RUNDC3B: variants seen among roughly 807,000 people sequenced by gnomAD.
RUNDC3B encodes RUN domain containing 3B, also known as RUN domain-containing protein 3B.
RUNDC3B carries 33 observed loss-of-function variants against 58.4 expected under a neutral mutation model. That is an observed-to-expected ratio of 0.56 (90% CI 0.43 to 0.75). The LOEUF is 0.75. RUNDC3B is among the 30% of genes least tolerant of loss of function. The probability of loss-of-function intolerance (pLI) is 0.00; values close to 1 mark genes in which losing one functional copy is unlikely to be tolerated. For synonymous variants in RUNDC3B, 193 were observed against 195.2 expected (o/e 0.99, Z 0.10); for missense variants, 501 against 535.7 (o/e 0.94, Z 0.64).
chr7:87,708,229 G>A (rs975219000), intron 3 of RUNDC3B, among the ~76,000 whole-genome samples: 2 of 152,060 alleles, frequency 1.3e-5, no homozygotes, highest in African/African-American at 4.8e-5. Flanking sequence ...GATTAATGCA[G>A]TTGATAAGCT....
At chr7:87,664,114 T>C (rs939318079) in intron 2 of RUNDC3B, among the ~76,000 whole-genome samples, 2 of 152,154 alleles carry the variant, frequency 1.3e-5, no homozygotes, top group Non-Finnish European at 2.9e-5. Context: ...CTTGTCTCTG[T>C]GCACTTTGAG....
chr7:87,732,579 G>T (rs1409501690), intron 4 of RUNDC3B, among the ~76,000 whole-genome samples: 1 of 152,172 alleles, frequency 6.6e-6, no homozygotes, highest in East Asian at 1.9e-4. Flanking sequence ...GCTCTCTGTT[G>T]TTAGGCAGAT....
At chr7:87,780,023 C>T (rs1033484469) in intron 8 of RUNDC3B, among the ~76,000 whole-genome samples, 9 of 152,120 alleles carry the variant, frequency 5.9e-5, no homozygotes, top group African/African-American at 1.9e-4. Flanking sequence ...TTTCTTTATC[C>T]AATCCACTGT....
In RUNDC3B at chr7:87,661,496, C is replaced by G. The variant is rs73393806; in HGVS notation, c.238+10559C>G. Among the ~76,000 whole-genome samples, 359 of 151,666 alleles carry G rather than the reference C, an allele frequency of 2.4e-3. 3 individuals are homozygous for G. The highest frequency in any genetic ancestry group is 8.5e-3 in the African/African-American group (350 of 41,420). On this transcript the variant is annotated intron_variant, in intron 2 of 10. Transcript: ENST00000394654. ...TTAACTGTTTTTAATTTTTAGTTCC[C>G]ACAAATAAGTGAAAATGAGCGAAGT...
intron 2 of RUNDC3B, among the ~76,000 whole-genome samples, chr7:87,695,425 G>A (rs1314807704): frequency 6.6e-6 from 1 of 152,080 alleles, no homozygotes; most frequent in Admixed American, 6.6e-5. Context: ...AGTTTAAAGT[G>A]AGAACTCCAC....
rs1826552588 is a variant in RUNDC3B at position 87,678,017 on chromosome 7, C to A, written c.239-22404C>A. On this transcript the variant is annotated intron_variant, in intron 2 of 10. Transcript: ENST00000394654. ...AAGGAAAACTAAGAATTATTACTAG[C>A]AAATCTGGTCTAAAAGAAATGCTAA... is the stretch of plus-strand genomic sequence containing the variant. Among the ~76,000 whole-genome samples the A allele has an allele frequency of 3.3e-5, 5 of 152,140 alleles. No homozygotes were observed. The South Asian group carries it at 1.0e-3, about 31-fold the overall frequency.
chr7:87,728,972 G>T (rs1357873614), intron 4 of RUNDC3B, among the ~76,000 whole-genome samples: 2 of 151,846 alleles, frequency 1.3e-5, no homozygotes, highest in African/African-American at 4.8e-5. Flanking sequence ...TATTCATGAG[G>T]GCTGTTTTTC....
chr7:87,675,166 C>T (rs1826201419), intron 2 of RUNDC3B, among the ~76,000 whole-genome samples: 2 of 152,208 alleles, frequency 1.3e-5, no homozygotes, highest in South Asian at 4.1e-4. Flanking sequence ...CTGTGCTTAG[C>T]CTCCCCATGC....
chr7:87,748,960 T>G (rs559514500), intron 6 of RUNDC3B, among the ~76,000 whole-genome samples: 1 of 152,338 alleles, frequency 6.6e-6, no homozygotes, highest in African/African-American at 2.4e-5. Flanking sequence ...TATACTGTTT[T>G]GGGATACGTT....
intron 6 of RUNDC3B, among the ~76,000 whole-genome samples, chr7:87,753,360 G>T (rs1833145732): frequency 6.6e-6 from 1 of 151,904 alleles, no homozygotes; most frequent in Non-Finnish European, 1.5e-5. Context: ...GTTGATTTGG[G>T]GTGGAGAGTT....
Position 87,700,424 on chromosome 7 carries a change from A to G in RUNDC3B, c.242A>G (p.Gln81Arg). 1 of 1,600,244 alleles carries G rather than the reference A, an allele frequency of 6.2e-7. No individual in the cohort carries two copies. The highest frequency in any genetic ancestry group is 8.5e-7 in the Non-Finnish European group (1 of 1,175,934). The change falls in exon 3 of 11, where the codon CAA becomes CGA. Residue 81 changes from glutamine to arginine, a missense_variant. By Grantham distance (43) the Gln-to-Arg change is conservative (BLOSUM62 1). Transcript: ENST00000394654. ...TATCGCAATTTGTCTCCTGAAGGTC[A>G]AGTAACCTGGTTTGGTTATGAAAGT... ...EQILSHRLKG[Q>R]VTWFGYESPR...
At chr7:87,731,645 T>G (rs527852263) in intron 4 of RUNDC3B, among the ~76,000 whole-genome samples, 1 of 152,272 alleles carries the variant, frequency 6.6e-6, no homozygotes, top group East Asian at 1.9e-4. Context: ...AAACAGATTT[T>G]AAGACAAAGA....
intron 4 of RUNDC3B, among the ~76,000 whole-genome samples, chr7:87,722,681 C>G (rs1830974177): frequency 6.6e-6 from 1 of 152,154 alleles, no homozygotes; most frequent in African/African-American, 2.4e-5. Flanking sequence ...CAAGGCTAAG[C>G]AGTAATGAAC....
intron 6 of RUNDC3B, among the ~76,000 whole-genome samples, chr7:87,754,129 G>T (rs1024845405): frequency 6.6e-6 from 1 of 152,122 alleles, no homozygotes; most frequent in Non-Finnish European, 1.5e-5. Context: ...CCAAATAACA[G>T]AATATACATT....
At chr7:87,719,571 A>G (rs923828582) in intron 4 of RUNDC3B, among the ~76,000 whole-genome samples, 1 of 151,984 alleles carries the variant, frequency 6.6e-6, no homozygotes, top group Non-Finnish European at 1.5e-5. Flanking sequence ...TACTAAACAT[A>G]CTATATAAAA....
intron 2 of RUNDC3B, among the ~76,000 whole-genome samples, chr7:87,657,534 T>G (rs983181540): frequency 2.6e-5 from 4 of 152,186 alleles, no homozygotes; most frequent in African/African-American, 7.2e-5. Flanking sequence ...GCCAGAGAGA[T>G]AAGATTTCTT....
Position 87,828,991 on chromosome 7 carries a change from TG to T in RUNDC3B, c.1226-893del, listed in dbSNP as rs1275773446. Reference sequence around the variant, plus strand: ...CACTTTGCCAACATCTGTTCTTTTTTGACTTTTAAAATAATAGCCATTGTGA... The same window carrying T: ...CACTTTGCCAACATCTGTTCTTTTTTACTTTTAAAATAATAGCCATTGTGA... On this transcript the variant is annotated intron_variant, in intron 10 of 10. Coordinates refer to ENST00000394654, the MANE Select transcript of RUNDC3B (RefSeq NM_001134405.2). Among the ~76,000 whole-genome samples, 8 of 152,296 alleles carry T rather than the reference TG, an allele frequency of 5.3e-5. No individual in the cohort carries two copies. The East Asian group carries it at 1.5e-3, about 29-fold the overall frequency.
chr7:87,709,503 G>A (rs1829883513), intron 3 of RUNDC3B: 6 of 985,412 alleles, frequency 6.1e-6, no homozygotes, highest in Non-Finnish European at 7.2e-6. Context: ...GGGATGTTGA[G>A]CTTGGTAGGT....
intron 6 of RUNDC3B, among the ~76,000 whole-genome samples, chr7:87,750,238 A>G (rs865848374): frequency 1.3e-5 from 2 of 152,064 alleles, no homozygotes; most frequent in African/African-American, 4.8e-5. Flanking sequence ...ATAGTATTCC[A>G]TGGTGTATAT....
Sources: allele counts gnomAD v4.1 joint callset (sites outside exome capture counted in the v4.1 genomes callset), GRCh38; gene constraint gnomAD v4.1.1; transcripts MANE v1.5; gene names NCBI Gene and HGNC (gene_info 2026-07-23, HGNC 2026-07-21).